DNM3: variants seen among roughly 807,000 people sequenced by gnomAD.
DNM3 encodes dynamin 3, also known as dynamin-3.
DNM3 carries 47 observed loss-of-function variants against 101.6 expected under a neutral mutation model. That is an observed-to-expected ratio of 0.46 (90% CI 0.37 to 0.59). The LOEUF (loss-of-function observed/expected upper bound fraction) is 0.59, where lower values mean the gene tolerates loss of function less well. Among genes scored for constraint, DNM3 ranks in the 20% least tolerant of loss-of-function variants. The probability of loss-of-function intolerance (pLI) is 0.00; values close to 1 mark genes in which losing one functional copy is unlikely to be tolerated. For synonymous variants in DNM3, 385 were observed against 387.9 expected (o/e 0.99, Z 0.09); for missense variants, 849 against 1,085.7 (o/e 0.78, Z 3.06).
At chr1:172,166,736 AT>A (rs11407187) in intron 14 of DNM3, among the ~76,000 whole-genome samples, 1 of 151,636 alleles carries the variant, frequency 6.6e-6, no homozygotes, top group Non-Finnish European at 1.5e-5. Context: ...TTTTAATCTC[AT>A]TTTTTTATCA....
chr1:172,179,166 T>A (rs1267478077), intron 14 of DNM3, among the ~76,000 whole-genome samples: 1 of 151,942 alleles, frequency 6.6e-6, no homozygotes, highest in Non-Finnish European at 1.5e-5. Flanking sequence ...AATCCAAAAA[T>A]TTTTTGTTTA....
chr1:172,111,877 A>G (rs1306402412), intron 13 of DNM3, among the ~76,000 whole-genome samples: 2 of 152,172 alleles, frequency 1.3e-5, no homozygotes, highest in Admixed American at 1.3e-4. Context: ...GACAAATTAT[A>G]AAACTTCATT....
chr1:171,887,119 A>G (rs1192076861), intron 1 of DNM3, among the ~76,000 whole-genome samples: 2 of 152,196 alleles, frequency 1.3e-5, no homozygotes, highest in Non-Finnish European at 2.9e-5. Flanking sequence ...AGAGCTTCCT[A>G]TTTCCTGATG....
chr1:171,858,727 A>G (rs1448432051), intron 1 of DNM3, among the ~76,000 whole-genome samples: 1 of 152,008 alleles, frequency 6.6e-6, no homozygotes, highest in East Asian at 1.9e-4. Flanking sequence ...CACTTCCACA[A>G]TTCCCATTAT....
intron 16 of DNM3, among the ~76,000 whole-genome samples, chr1:172,312,944 C>G (rs1249787094): frequency 6.6e-6 from 1 of 152,166 alleles, no homozygotes; most frequent in Non-Finnish European, 1.5e-5. Context: ...GCAGTGGCAT[C>G]TATGGCTCTA....
intron 1 of DNM3, among the ~76,000 whole-genome samples, chr1:171,845,616 G>A (rs536747803): frequency 5.1e-4 from 77 of 152,168 alleles, no homozygotes; most frequent in Non-Finnish European, 8.7e-4. Context: ...ATTTACATAT[G>A]TTTACCTTGC....
chr1:172,023,414 G>A (rs936787737), intron 4 of DNM3, among the ~76,000 whole-genome samples: 3 of 152,052 alleles, frequency 2.0e-5, no homozygotes, highest in Non-Finnish European at 2.9e-5. Context: ...CTACTGTCAC[G>A]TTTATTGAAA....
In DNM3 at chr1:171,898,709, G is replaced by T. The variant is rs770669048; in HGVS notation, c.162-23039G>T. ...GTGTATATACATATATATATATAGA[G>T]AGAGAGAGAGAAATCATATTGTACA... is the stretch of plus-strand genomic sequence containing the variant. On this transcript the variant is annotated intron_variant, in intron 1 of 20. Transcript: ENST00000627582. Among the ~76,000 whole-genome samples the T allele has an allele frequency of 2.5e-3, 369 of 147,716 alleles. 1 individual carries two copies. Among genetic ancestry groups the T allele is most frequent in the Middle Eastern group, 7.4e-3 (2 of 272 alleles).
intron 15 of DNM3, among the ~76,000 whole-genome samples, chr1:172,279,095 A>G (rs560415691): frequency 2.0e-5 from 3 of 152,182 alleles, no homozygotes; most frequent in Non-Finnish European, 4.4e-5. Flanking sequence ...ATGCTTTGCC[A>G]CCTTTGGAGG....
At chr1:172,352,364 T>G (rs1046375072) in intron 17 of DNM3, among the ~76,000 whole-genome samples, 1 of 152,144 alleles carries the variant, frequency 6.6e-6, no homozygotes, top group Non-Finnish European at 1.5e-5. Flanking sequence ...TTTTTTTTCT[T>G]TTTATATGAG....
chr1:172,020,461 C>CT (rs1178581236), intron 4 of DNM3, among the ~76,000 whole-genome samples: 2 of 152,080 alleles, frequency 1.3e-5, no homozygotes, highest in Non-Finnish European at 2.9e-5. Context: ...TGGCTCACGC[C>CT]TGTAATCCCA....
intron 20 of DNM3, among the ~76,000 whole-genome samples, chr1:172,397,996 A>G (rs2070157925): frequency 6.6e-6 from 1 of 152,196 alleles, no homozygotes; most frequent in South Asian, 2.1e-4. Flanking sequence ...CATAGGCTCC[A>G]TTGATATTCA....
At chr1:172,276,139 C>T (rs902280663) in intron 15 of DNM3, among the ~76,000 whole-genome samples, 1 of 152,078 alleles carries the variant, frequency 6.6e-6, no homozygotes, top group African/African-American at 2.4e-5. Flanking sequence ...TAGATAACAA[C>T]TTATTGGTAG....
chr1:172,103,006 T>C (rs1463769658), intron 13 of DNM3, among the ~76,000 whole-genome samples: 1 of 152,186 alleles, frequency 6.6e-6, no homozygotes, highest in Non-Finnish European at 1.5e-5. Context: ...GTATCCAAAG[T>C]ACATAATTTT....
intron 4 of DNM3, among the ~76,000 whole-genome samples, chr1:172,019,848 T>C (rs2047710925): frequency 2.0e-5 from 3 of 152,132 alleles, no homozygotes; most frequent in African/African-American, 7.2e-5. Context: ...TATCTCTGCT[T>C]ATATTGCCCA....
chr1:171,918,049 G>A (rs1275530325), intron 1 of DNM3, among the ~76,000 whole-genome samples: 1 of 152,130 alleles, frequency 6.6e-6, no homozygotes, highest in Admixed American at 6.6e-5. Context: ...AACCCTTGCA[G>A]GTGATCAACA....
rs10913896 is a variant in DNM3 at position 171,868,727 on chromosome 1, T to C, written c.161+26910T>C. ...CTTAATTTTTGTGTACCCTCTTACA[T>C]TGATTGAGCAGTTGTGGTGTGAGAA... On this transcript the variant is annotated intron_variant, in intron 1 of 20. Coordinates refer to ENST00000627582, the MANE Select transcript of DNM3 (RefSeq NM_015569.5). Among the ~76,000 whole-genome samples, 1,283 of 152,304 alleles carry C rather than the reference T, an allele frequency of 8.4e-3. 25 individuals carry two copies. The highest frequency in any genetic ancestry group is 0.029 in the African/African-American group (1,226 of 41,568).
chr1:172,193,848 G>C (rs746302007), intron 14 of DNM3, among the ~76,000 whole-genome samples: 3 of 151,978 alleles, frequency 2.0e-5, no homozygotes, highest in Non-Finnish European at 2.9e-5. Context: ...AATTTTTTGT[G>C]TCTCTGTTTC....
chr1:172,061,885 G>C (rs942432874), intron 10 of DNM3, among the ~76,000 whole-genome samples: 1 of 151,958 alleles, frequency 6.6e-6, no homozygotes, highest in Non-Finnish European at 1.5e-5. Flanking sequence ...GAAAATACTT[G>C]CATTTCACCC....
Sources: gnomAD v4.1 joint callset for allele counts (sites outside exome capture counted in the v4.1 genomes callset) on GRCh38, gnomAD v4.1.1 for gene constraint, MANE v1.5 for transcripts, NCBI Gene and HGNC (gene_info 2026-07-23, HGNC 2026-07-21) for gene names.